Variants in PLGRKT observed in about 807,000 individuals in gnomAD.
The protein encoded by PLGRKT is plasminogen receptor (KT).
PLGRKT carries 22 observed loss-of-function variants against 18.5 expected under a neutral mutation model. The ratio of observed to expected loss-of-function variants is 1.19; its 90% CI spans 0.85 to 1.70. PLGRKT has a LOEUF of 1.70. Ranked by LOEUF, PLGRKT falls within the 40% of genes most tolerant of loss-of-function variation. The pLI is 0.00. For missense variants in PLGRKT, 235 were observed against 174.4 expected, an observed-to-expected ratio of 1.35 and a Z score of -1.96; for synonymous variants, 72 against 52.8, an observed-to-expected ratio of 1.36 and a Z score of -1.58.
At chr9:5,429,463 T>A (rs1320683111) in intron 3 of PLGRKT, among the ~76,000 whole-genome samples, 1 of 152,186 alleles carries the variant, frequency 6.6e-6, no homozygotes, top group Non-Finnish European at 1.5e-5. Flanking sequence ...AGGGGAGAAA[T>A]CTAAAATCAA....
At chr9:5,385,950 T>A (rs1817835113) in intron 3 of PLGRKT, among the ~76,000 whole-genome samples, 1 of 151,856 alleles carries the variant, frequency 6.6e-6, no homozygotes, top group Non-Finnish European at 1.5e-5. Flanking sequence ...GGTCAATAAA[T>A]GTTGGTTCTT....
chr9:5,432,644 C>T (rs901521296), intron 2 of PLGRKT, among the ~76,000 whole-genome samples: 4 of 152,092 alleles, frequency 2.6e-5, no homozygotes, highest in African/African-American at 7.2e-5. Context: ...ATTCCAGGCA[C>T]GCGCCACCAC....
At chr9:5,430,469 C>A (rs535780640) in intron 3 of PLGRKT, among the ~76,000 whole-genome samples, 1 of 152,206 alleles carries the variant, frequency 6.6e-6, no homozygotes, top group Non-Finnish European at 1.5e-5. Flanking sequence ...ATAAGACACT[C>A]TTGTCAGTCA....
chr9:5,379,691 C>T (rs1817699964), intron 3 of PLGRKT, among the ~76,000 whole-genome samples: 1 of 152,132 alleles, frequency 6.6e-6, no homozygotes, highest in Admixed American at 6.5e-5. Context: ...TGTTGAACTT[C>T]ATTTGTAGTA....
At chr9:5,425,266 G>C (rs2131167663) in intron 3 of PLGRKT, among the ~76,000 whole-genome samples, 1 of 152,304 alleles carries the variant, frequency 6.6e-6, no homozygotes, top group Non-Finnish European at 1.5e-5. Flanking sequence ...TTTTAGAGGA[G>C]TTTTTAGATG....
At chr9:5,407,479 TTTATCTTTA>T (rs1818278129) in intron 3 of PLGRKT, among the ~76,000 whole-genome samples, 1 of 152,218 alleles carries the variant, frequency 6.6e-6, no homozygotes, top group Non-Finnish European at 1.5e-5. Context: ...ACCTTGTGTT[TTTATCTTTA>T]TAACCTTATT....
chr9:5,378,188 G>A (rs777339637), intron 3 of PLGRKT, among the ~76,000 whole-genome samples: 2 of 152,160 alleles, frequency 1.3e-5, no homozygotes, highest in African/African-American at 4.8e-5. Flanking sequence ...AACCAACAGC[G>A]TAATAGATAA....
At chr9:5,429,005 T>A (rs528342369) in intron 3 of PLGRKT, among the ~76,000 whole-genome samples, 1 of 152,290 alleles carries the variant, frequency 6.6e-6, no homozygotes, top group East Asian at 1.9e-4. Flanking sequence ...CTTGATCACA[T>A]GTATATTGTG....
intron 2 of PLGRKT, among the ~76,000 whole-genome samples, chr9:5,432,412 T>G (rs1162572979): frequency 6.6e-6 from 1 of 152,214 alleles, no homozygotes; most frequent in Non-Finnish European, 1.5e-5. Context: ...GAGGGATGAT[T>G]AAGAAGATGC....
Position 5,406,297 on chromosome 9 carries a change from G to C in PLGRKT, c.81+25600C>G, listed in dbSNP as rs1480225655. On this transcript the variant is annotated intron_variant, in intron 3 of 5. Transcript: ENST00000223864. Reference sequence around the variant, plus strand: ...GGATTATAAATCATTCTGTTATAAAGACATATACATACGTATGTTCACTGC... The same window carrying C: ...GGATTATAAATCATTCTGTTATAAACACATATACATACGTATGTTCACTGC... 3.3e-5 allele frequency among the ~76,000 whole-genome samples: 5 copies of C among 152,204 alleles called. No individual in the cohort carries two copies. The East Asian group carries it at 9.6e-4, about 29-fold the overall frequency.
chr9:5,371,616 C>G (rs1394873917), intron 3 of PLGRKT, among the ~76,000 whole-genome samples: 3 of 152,150 alleles, frequency 2.0e-5, no homozygotes, highest in Non-Finnish European at 4.4e-5. Flanking sequence ...TCTCCCCAGT[C>G]TCAGGTGAAA....
chr9:5,388,376 C>T (rs1041616821), intron 3 of PLGRKT, among the ~76,000 whole-genome samples: 5 of 151,950 alleles, frequency 3.3e-5, no homozygotes, highest in African/African-American at 1.2e-4. Context: ...GCAAGCTTGT[C>T]ATTCATTAGT....
chr9:5,415,396 TA>T (rs772695215), intron 3 of PLGRKT, among the ~76,000 whole-genome samples: 7 of 151,714 alleles, frequency 4.6e-5, no homozygotes, highest in Non-Finnish European at 1.0e-4. Context: ...ATGAAGTAAA[TA>T]AAAAAATCAC....
rs959632959 is a variant in PLGRKT, at chr9:5,418,785, G to A, written c.81+13112C>T. On this transcript the variant is annotated intron_variant, in intron 3 of 5. Transcript: ENST00000223864. The surrounding 1 kb of genome is among the most constrained non-coding windows in gnomAD (Gnocchi z 4.2). ...CGGGGTCGTCGAGGAGCTGCGACACGGAGAAGTCAGGGGGCAGCTTGGTGA... is the reference window on the plus strand; with the variant it reads ...CGGGGTCGTCGAGGAGCTGCGACACAGAGAAGTCAGGGGGCAGCTTGGTGA... The A allele has an allele frequency of 1.4e-5, 11 of 810,392 alleles. No homozygotes were observed. The highest frequency in any genetic ancestry group is 2.0e-5 in the Admixed American group (1 of 49,808). The allele number at this position is 810,392 out of a possible 1,614,324, so 50.2% of individuals were successfully genotyped here.
intron 5 of PLGRKT, among the ~76,000 whole-genome samples, chr9:5,359,909 C>T (rs1439496032): frequency 6.6e-6 from 1 of 152,128 alleles, no homozygotes; most frequent in African/African-American, 2.4e-5. Flanking sequence ...GTTCACTATA[C>T]ATAAAAATAT....
chr9:5,412,552 G>C (rs1372022052), intron 3 of PLGRKT, among the ~76,000 whole-genome samples: 3 of 152,176 alleles, frequency 2.0e-5, no homozygotes, highest in Non-Finnish European at 4.4e-5. Flanking sequence ...TTCCCGCCAT[G>C]TCCTGATGCA....
At chr9:5,379,996 C>A (rs1013536947) in intron 3 of PLGRKT, among the ~76,000 whole-genome samples, 4 of 152,076 alleles carry the variant, frequency 2.6e-5, no homozygotes, top group African/African-American at 9.7e-5. Context: ...AAACTGGGGA[C>A]CAATTAAATG....
chr9:5,421,605 A>G (rs1818576326), intron 3 of PLGRKT, among the ~76,000 whole-genome samples: 1 of 152,260 alleles, frequency 6.6e-6, no homozygotes, highest in Non-Finnish European at 1.5e-5. Context: ...ACATCTAATA[A>G]GAAAACTTTT....
intron 3 of PLGRKT, among the ~76,000 whole-genome samples, chr9:5,385,210 T>A (rs1025040153): frequency 6.6e-6 from 1 of 152,178 alleles, no homozygotes; most frequent in Non-Finnish European, 1.5e-5. Context: ...TCTAAATCCA[T>A]CAGTATTAAA....
Sources: gnomAD v4.1 joint callset for allele counts (sites outside exome capture counted in the v4.1 genomes callset) on GRCh38, gnomAD v4.1.1 for gene constraint, Gnocchi (gnomAD v3.1) non-coding constraint, MANE v1.5 for transcripts, NCBI Gene and HGNC (gene_info 2026-07-23, HGNC 2026-07-21) for gene names.